Variants in TSHZ2 observed in about 807,000 individuals in gnomAD.
TSHZ2 encodes teashirt zinc finger homeobox 2.
Under a neutral mutation model 74.4 loss-of-function variants are expected in TSHZ2, and 21 were observed. The ratio of observed to expected loss-of-function variants is 0.28; its 90% CI spans 0.20 to 0.41. TSHZ2 has a LOEUF of 0.41. Ranked by LOEUF, TSHZ2 falls within the 10% of genes least tolerant of loss-of-function variation. The pLI is 1.00. For synonymous variants in TSHZ2, 540 were observed against 515.3 expected (o/e 1.05, Z -0.65); for missense variants, 1,244 against 1,293.5 (o/e 0.96, Z 0.59).
chr20:53,396,523 C>T (rs886482416), intron 2 of TSHZ2, among the ~76,000 whole-genome samples: 1 of 152,080 alleles, frequency 6.6e-6, no homozygotes, highest in Admixed American at 6.5e-5. Flanking sequence ...AAAGAGAATG[C>T]ATATTCTCCT....
chr20:53,250,815 C>G (rs1360028303), intron 1 of TSHZ2, among the ~76,000 whole-genome samples: 4 of 149,156 alleles, frequency 2.7e-5, no homozygotes, highest in South Asian at 2.1e-4. Flanking sequence ...CCGGAAAGCT[C>G]TGCTTCCAAA....
chr20:53,135,437 C>T (rs1343857296), intron 1 of TSHZ2, among the ~76,000 whole-genome samples: 4 of 152,164 alleles, frequency 2.6e-5, no homozygotes, highest in Non-Finnish European at 5.9e-5. Context: ...TAGCATAAGG[C>T]CTTTGTGATC....
chr20:53,011,438 G>C (rs1445718400), intron 1 of TSHZ2, among the ~76,000 whole-genome samples: 1 of 152,194 alleles, frequency 6.6e-6, no homozygotes, highest in African/African-American at 2.4e-5. Flanking sequence ...GACCAACAGT[G>C]TTCATTCATC....
At chr20:53,175,821 A>T (rs1988324346) in intron 1 of TSHZ2, among the ~76,000 whole-genome samples, 1 of 152,202 alleles carries the variant, frequency 6.6e-6, no homozygotes, top group African/African-American at 2.4e-5. Context: ...GACTTCCCCC[A>T]ACCTTTGTTG....
chr20:53,156,707 A>T (rs1203301943), intron 1 of TSHZ2, among the ~76,000 whole-genome samples: 1 of 152,262 alleles, frequency 6.6e-6, no homozygotes, highest in African/African-American at 2.4e-5. Flanking sequence ...AGTTTGTCCT[A>T]CATTTCAGGA....
At chr20:53,468,199 T>C (rs1373161669) in intron 2 of TSHZ2, among the ~76,000 whole-genome samples, 2 of 152,268 alleles carry the variant, frequency 1.3e-5, no homozygotes, top group Middle Eastern at 3.4e-3. Context: ...CATTTTTATT[T>C]AGATTGACAT....
At chr20:53,043,128 C>T (rs1215960949) in intron 1 of TSHZ2, among the ~76,000 whole-genome samples, 1 of 152,044 alleles carries the variant, frequency 6.6e-6, no homozygotes, top group Non-Finnish European at 1.5e-5. Flanking sequence ...TCTATGTCTG[C>T]ATGGAGACGG....
intron 1 of TSHZ2, among the ~76,000 whole-genome samples, chr20:53,126,564 A>G (rs550042090): frequency 3.9e-5 from 6 of 152,308 alleles, no homozygotes; most frequent in African/African-American, 1.4e-4. Flanking sequence ...GCAATATAGT[A>G]TTATTGAGTG....
chr20:53,219,064 G>A (rs555737017), intron 1 of TSHZ2, among the ~76,000 whole-genome samples: 2 of 152,282 alleles, frequency 1.3e-5, no homozygotes, highest in Middle Eastern at 3.4e-3. Context: ...TTTCCAACAA[G>A]AAAACAGTTA....
chr20:53,214,038 C>A (rs954984661), intron 1 of TSHZ2, among the ~76,000 whole-genome samples: 3 of 152,142 alleles, frequency 2.0e-5, no homozygotes, highest in Non-Finnish European at 4.4e-5. Context: ...CCTTACATTG[C>A]TTCAAATTCA....
At chr20:53,253,083 G>T (rs529472718) in intron 1 of TSHZ2, among the ~76,000 whole-genome samples, 2 of 152,024 alleles carry the variant, frequency 1.3e-5, no homozygotes, top group Non-Finnish European at 2.9e-5. Flanking sequence ...CCATCTAGAT[G>T]CCAAGAGTCA....
At chr20:53,472,190 G>C (rs568221007) in intron 2 of TSHZ2, among the ~76,000 whole-genome samples, 1 of 152,212 alleles carries the variant, frequency 6.6e-6, no homozygotes, top group African/African-American at 2.4e-5. Flanking sequence ...TATATGGAAA[G>C]TTATCAGAAG....
chr20:53,290,703 G>A (rs182157690), intron 2 of TSHZ2, among the ~76,000 whole-genome samples: 2 of 152,288 alleles, frequency 1.3e-5, no homozygotes, highest in East Asian at 1.9e-4. Flanking sequence ...GGTATAGAGA[G>A]GTAAATGTAT....
At chr20:53,293,831 C>T (rs137989437) in intron 2 of TSHZ2, among the ~76,000 whole-genome samples, 1 of 151,928 alleles carries the variant, frequency 6.6e-6, no homozygotes, top group East Asian at 1.9e-4. Context: ...TCCTGGACAA[C>T]ATGGTGAAAC....
At chr20:53,041,645 A>G (rs1984046004) in intron 1 of TSHZ2, among the ~76,000 whole-genome samples, 1 of 152,244 alleles carries the variant, frequency 6.6e-6, no homozygotes, top group Non-Finnish European at 1.5e-5. Context: ...TAATCCTCGG[A>G]GAACCCTGTG....
chr20:53,289,706 G>A (rs746533672), intron 2 of TSHZ2, among the ~76,000 whole-genome samples: 9 of 152,198 alleles, frequency 5.9e-5, no homozygotes, highest in Non-Finnish European at 1.3e-4. Flanking sequence ...TGTCTGAGCT[G>A]AGACCTGAAT....
chr20:53,003,881 CT>C (rs1330353534), intron 1 of TSHZ2, among the ~76,000 whole-genome samples: 4 of 151,644 alleles, frequency 2.6e-5, no homozygotes, highest in Admixed American at 6.6e-5. Context: ...CTCTTTCCTT[CT>C]TTTTTTTCTT....
intron 1 of TSHZ2, among the ~76,000 whole-genome samples, chr20:53,218,122 C>A (rs1989476941): frequency 6.6e-6 from 1 of 152,334 alleles, no homozygotes; most frequent in East Asian, 1.9e-4. Flanking sequence ...AAGTCTGGTT[C>A]TTTCAAGTCA....
chr20:53,245,918 T>C (rs982420947), intron 1 of TSHZ2, among the ~76,000 whole-genome samples: 1 of 152,162 alleles, frequency 6.6e-6, no homozygotes, highest in Non-Finnish European at 1.5e-5. Flanking sequence ...AGGTTGCAAA[T>C]GGTTGGGTCT....
Sources: allele counts gnomAD v4.1 joint callset (sites outside exome capture counted in the v4.1 genomes callset), GRCh38; gene constraint gnomAD v4.1.1; transcripts MANE v1.5; gene names NCBI Gene and HGNC (gene_info 2026-07-23, HGNC 2026-07-21).